The following TMCC3 variants were observed in gnomAD, a reference collection of about 807,000 sequenced individuals.
TMCC3 encodes the protein transmembrane and coiled-coil domain protein 3.
TMCC3 carries 28 observed loss-of-function variants against 40.2 expected under a neutral mutation model. The observed-to-expected ratio is 0.70, with a 90% CI of 0.52 to 0.95. TMCC3 has a LOEUF of 0.95. TMCC3 is among the 40% of genes least tolerant of loss of function. TMCC3 has a pLI of 0.00. For synonymous variants in TMCC3, 255 were observed against 248.5 expected, an observed-to-expected ratio of 1.03 and a Z score of -0.25; for missense variants, 554 against 615.2, an observed-to-expected ratio of 0.90 and a Z score of 1.05.
intron 1 of TMCC3, among the ~76,000 whole-genome samples, chr12:94,584,794 T>C (rs1175063699): frequency 2.0e-5 from 3 of 152,022 alleles, no homozygotes; most frequent in Non-Finnish European, 4.4e-5. Flanking sequence ...GCCCAATCAC[T>C]ACAAGACTAG....
intron 1 of TMCC3, among the ~76,000 whole-genome samples, chr12:94,620,489 T>C (rs1195952034): frequency 6.6e-6 from 1 of 152,002 alleles, no homozygotes; most frequent in Non-Finnish European, 1.5e-5. Context: ...GGTTTCACCA[T>C]GTTGGCCAGG....
At chr12:94,624,988 A>G (rs2068895784) in intron 1 of TMCC3, among the ~76,000 whole-genome samples, 1 of 151,458 alleles carries the variant, frequency 6.6e-6, no homozygotes, top group Non-Finnish European at 1.5e-5. Flanking sequence ...TAAAAATACA[A>G]AAAATTAGCT....
chr12:94,626,587 T>C (rs2068905330), intron 1 of TMCC3, among the ~76,000 whole-genome samples: 1 of 152,242 alleles, frequency 6.6e-6, no homozygotes, highest in South Asian at 2.1e-4. Flanking sequence ...GCATTATTTC[T>C]TTCCTTTCAT....
intron 1 of TMCC3, among the ~76,000 whole-genome samples, chr12:94,591,947 G>A (rs1268319929): frequency 6.6e-6 from 1 of 152,146 alleles, no homozygotes; most frequent in Non-Finnish European, 1.5e-5. Context: ...AATAACTCCA[G>A]GGGCTGGATA....
chr12:94,641,774 T>A (rs777235160), intron 1 of TMCC3, among the ~76,000 whole-genome samples: 6 of 152,160 alleles, frequency 3.9e-5, no homozygotes, highest in Non-Finnish European at 7.4e-5. Flanking sequence ...GCACAGATGA[T>A]GAGCTCCATG....
chr12:94,621,595 G>C (rs930510314), intron 1 of TMCC3, among the ~76,000 whole-genome samples: 3 of 152,126 alleles, frequency 2.0e-5, no homozygotes, highest in African/African-American at 7.2e-5. Flanking sequence ...CAGTACCCCA[G>C]GTTCTTTATC....
chr12:94,632,500 A>G (rs571682382), intron 1 of TMCC3, among the ~76,000 whole-genome samples: 1 of 152,322 alleles, frequency 6.6e-6, no homozygotes, highest in Non-Finnish European at 1.5e-5. Context: ...CATCATAAAA[A>G]TTTTCTCTTA....
chr12:94,578,019 T>C (rs965191708), intron 3 of TMCC3, among the ~76,000 whole-genome samples: 3 of 151,338 alleles, frequency 2.0e-5, no homozygotes, highest in Non-Finnish European at 4.4e-5. Flanking sequence ...CATGGTGGCA[T>C]GTGCCTATAG....
intron 1 of TMCC3, among the ~76,000 whole-genome samples, chr12:94,594,579 C>G (rs1374335607): frequency 2.0e-5 from 3 of 152,110 alleles, no homozygotes; most frequent in African/African-American, 7.2e-5. Flanking sequence ...CAGTGTCTGT[C>G]AGTAAAACCT....
chr12:94,649,826 A>G (rs932712311), intron 1 of TMCC3, among the ~76,000 whole-genome samples: 1 of 152,238 alleles, frequency 6.6e-6, no homozygotes, highest in Non-Finnish European at 1.5e-5. Flanking sequence ...CAGCGCAAAG[A>G]TTCTGACTTT....
chr12:94,598,470 G>A (rs2068731543), intron 1 of TMCC3: 2 of 466,606 alleles, frequency 4.3e-6, no homozygotes, highest in South Asian at 1.8e-4. Flanking sequence ...GGCAATTACT[G>A]GAGATGTTCT....
chr12:94,604,143 C>T (rs1462103145), intron 1 of TMCC3, among the ~76,000 whole-genome samples: 1 of 152,188 alleles, frequency 6.6e-6, no homozygotes, highest in East Asian at 1.9e-4. Context: ...TAAAAATATG[C>T]AATTTAGAAT....
At chr12:94,594,255 C>T (rs2068702129) in intron 1 of TMCC3, among the ~76,000 whole-genome samples, 1 of 150,238 alleles carries the variant, frequency 6.7e-6, no homozygotes, top group Non-Finnish European at 1.5e-5. Context: ...AGAGAGGTCT[C>T]TCACTCTGTC....
At chr12:94,640,679 C>A (rs149050493) in intron 1 of TMCC3, among the ~76,000 whole-genome samples, 2 of 152,142 alleles carry the variant, frequency 1.3e-5, no homozygotes, top group East Asian at 1.9e-4. Flanking sequence ...TGGGAAACTG[C>A]GGTAGACCAC....
At chr12:94,594,198 A>AATATATATATATATATAT (rs59083165) in intron 1 of TMCC3, among the ~76,000 whole-genome samples, 18 of 145,494 alleles carry the variant, frequency 1.2e-4, no homozygotes, top group African/African-American at 4.8e-4. Flanking sequence ...TTTAAATTTA[A>AATATATATATATATATAT]ATATATATAT....
Position 94,593,089 on chromosome 12 carries a change from C to T in TMCC3, c.79-10551G>A, listed in dbSNP as rs551302596. 4.6e-5 allele frequency among the ~76,000 whole-genome samples: 7 copies of T among 151,954 alleles called. No individual in the cohort carries two copies. The East Asian group carries it at 9.7e-4, about 21-fold the overall frequency. On this transcript the variant is annotated intron_variant, in intron 1 of 3. Transcript: ENST00000261226. ...GCAGGTGCCTGTAATCCCAGCTAAT[C>T]GAAAGGCTGCGGCAGGAGAATCGCT...
Position 94,597,023 on chromosome 12 carries a change from TA to T in TMCC3, c.79-14486del, listed in dbSNP as rs2068718707. On this transcript the variant is annotated intron_variant, in intron 1 of 3. Coordinates refer to ENST00000261226, the MANE Select transcript of TMCC3 (RefSeq NM_020698.4). ...TGCCAGCCATGGTGGCTCATGCCTA[TA>T]ATCCCAGCACTTTGGGAGGCAGAGG... Among the ~76,000 whole-genome samples, 4 of 151,810 alleles carry T rather than the reference TA, an allele frequency of 2.6e-5. No individual in the cohort carries two copies. In the East Asian group the frequency reaches 7.8e-4, roughly 29 times the overall value.
chr12:94,602,711 C>A (rs1223158273), intron 1 of TMCC3, among the ~76,000 whole-genome samples: 1 of 152,124 alleles, frequency 6.6e-6, no homozygotes, highest in Non-Finnish European at 1.5e-5. Flanking sequence ...CCTCAGCATC[C>A]CAAGTAACCG....
intron 1 of TMCC3, among the ~76,000 whole-genome samples, chr12:94,645,875 AT>A (rs1261502189): frequency 2.6e-5 from 4 of 152,160 alleles, no homozygotes; most frequent in African/African-American, 9.7e-5. Flanking sequence ...TTGGATTGAG[AT>A]GCTCGGCCTA....
Sources: gnomAD v4.1 joint callset for allele counts (sites outside exome capture counted in the v4.1 genomes callset) on GRCh38, gnomAD v4.1.1 for gene constraint, MANE v1.5 for transcripts, NCBI Gene and HGNC (gene_info 2026-07-23, HGNC 2026-07-21) for gene names.